FOXA1: variants seen among roughly 807,000 people sequenced by gnomAD.
The protein encoded by FOXA1 is forkhead box A1.
FOXA1 carries 9 observed loss-of-function variants against 29.2 expected under a neutral mutation model. That is an observed-to-expected ratio of 0.31 (90% confidence interval 0.19 to 0.54). FOXA1 has a LOEUF of 0.54. Ranked by LOEUF, FOXA1 falls within the 20% of genes least tolerant of loss-of-function variation. The probability of loss-of-function intolerance (pLI) is 0.95; values close to 1 mark genes in which losing one functional copy is unlikely to be tolerated. For missense variants in FOXA1, 644 were observed against 681.2 expected, an observed-to-expected ratio of 0.95 and a Z score of 0.61; for synonymous variants, 340 against 300.9, an observed-to-expected ratio of 1.13 and a Z score of -1.34.
chr14:37,592,379 G>C lies in FOXA1; in HGVS notation c.405C>G (p.Asn135Lys), dbSNP rs2139183229. The C allele has an allele frequency of 6.2e-7, 1 of 1,603,366 alleles. No individual in the cohort carries two copies. The highest frequency in any genetic ancestry group is 2.2e-5 in the East Asian group (1 of 44,718). The change falls in exon 2 of 2, where the codon AAC (asparagine) becomes AAG (lysine). Residue 135 changes from asparagine (N) to lysine (K), a missense_variant. Physicochemically the swap from Asn to Lys is moderately conservative, Grantham distance 94. Transcript: ENST00000250448. The stretch of plus-strand genomic sequence containing the variant: ...CGTACGCCATGGGGCTCATGCACGG[G>C]TTCATGGCGGCCGCGTAGGGGCCCA... ...NGLGPYAAAMNPCMSPMAYAP... is the reference protein window; with the variant it reads ...NGLGPYAAAMKPCMSPMAYAP...
Position 37,590,871 on chromosome 14 carries a change from G to T in FOXA1, c.*494C>A, listed in dbSNP as rs2139179025. ...TTCAATACTTTTAAGAGCCTCTAGT[G>T]TATACTTGTTTCTTCACCATTTCAA... On this transcript the variant is annotated 3_prime_UTR_variant, in exon 2 of 2. Transcript: ENST00000250448. The T allele has an allele frequency of 6.7e-6, 2 of 297,924 alleles. No homozygotes were observed. The highest frequency in any genetic ancestry group is 1.0e-4 in the East Asian group (2 of 19,450). The allele number at this position is 297,924 out of a possible 1,614,324, so 18.5% of individuals were successfully genotyped here.
chr14:37,594,698 C>T (rs2095600229), intron 1 of FOXA1: 1 of 257,024 alleles, frequency 3.9e-6, no homozygotes, highest in Admixed American at 5.5e-5. Flanking sequence ...CTGCGAGAGT[C>T]GGGACAGAGC....
At position 37,595,023 on chromosome 14, in the gene FOXA1, G is replaced by C. The variant is rs753992062; in HGVS notation, c.-51C>G. On this transcript the variant is annotated 5_prime_UTR_variant, in exon 1 of 2. Coordinates refer to ENST00000250448, the MANE Select transcript of FOXA1 (RefSeq NM_004496.5). ...CCATCCAGCCCTGTGCGAAGCGACG[G>C]GCGGCCGCGCGGCGCGGGGCGGGGG... 31 of 1,520,052 alleles carry C rather than the reference G, an allele frequency of 2.0e-5. No individual in the cohort carries two copies. The highest frequency in any genetic ancestry group is 2.7e-5 in the Non-Finnish European group (30 of 1,120,390). The allele number at this position is 1,520,052 out of a possible 1,614,324, so 94.2% of individuals were successfully genotyped here. A position where few individuals can be genotyped will look rare whatever the true frequency, so the allele number is the denominator to read the frequency against.
intron 1 of FOXA1, among the ~76,000 whole-genome samples, 185 bp from the exon 2 acceptor site, chr14:37,592,896 G>A (rs1030914859): frequency 6.6e-6 from 1 of 152,374 alleles, no homozygotes; most frequent in Admixed American, 6.5e-5. Flanking sequence ...TTGCACGGCA[G>A]GGGGAAAATC....
rs1198728189 is a variant in FOXA1, at chr14:37,591,832, C to T, written c.952G>A (p.Gly318Ser). ...PLHRGVHGKT[G>S]QLEGAPAPGP... Reference sequence around the variant, plus strand: ...GGGGCCGGCGCGCCCTCTAGCTGGCCGGTCTTCCCGTGCACACCCCGATGG... The same window carrying T: ...GGGGCCGGCGCGCCCTCTAGCTGGCTGGTCTTCCCGTGCACACCCCGATGG... The change falls in exon 2 of 2, where the codon GGC becomes AGC. Residue 318 changes from glycine (G) to serine (S), a missense_variant. By Grantham distance (56) the Gly-to-Ser change is moderately conservative. Coordinates refer to ENST00000250448, the MANE Select transcript of FOXA1 (RefSeq NM_004496.5). 3 of 1,454,990 alleles carry T rather than the reference C, an allele frequency of 2.1e-6. No homozygotes were observed. Among genetic ancestry groups the T allele is most frequent in the Admixed American group, 2.8e-5 (1 of 36,304 alleles). The allele number at this position is 1,454,990 out of a possible 1,614,324, so 90.1% of individuals were successfully genotyped here.
Position 37,595,079 on chromosome 14 carries a change from C to T in FOXA1, c.-107G>A, listed in dbSNP as rs1369824331. On this transcript the variant is annotated 5_prime_UTR_variant, in exon 1 of 2. Coordinates refer to ENST00000250448, the MANE Select transcript of FOXA1 (RefSeq NM_004496.5). ...AGCTGAGCAGCTGCAGTCACCCGAG[C>T]GCCCGCGCGGGCCCAACGCCACCCG... is the stretch of plus-strand genomic sequence containing the variant. 2.8e-4 allele frequency: 274 copies of T among 970,146 alleles called. 1 individual carries two copies. Among genetic ancestry groups the T allele is most frequent in the South Asian group, 1.0e-3 (56 of 54,886 alleles). 60.1% of individuals were successfully genotyped at this position (970,146 alleles called of 1,614,324 possible). A position where few individuals can be genotyped will look rare whatever the true frequency, so the allele number is the denominator to read the frequency against.
In FOXA1 at chr14:37,592,184, G is replaced by A. The variant is rs1226356116; in HGVS notation, c.600C>T (p.Ile200=). 12 of 1,613,770 alleles carry A rather than the reference G, an allele frequency of 7.4e-6. No homozygotes were observed. The highest frequency in any genetic ancestry group is 1.0e-5 in the Non-Finnish European group (12 of 1,179,890). The change falls in exon 2 of 2, where the codon ATC becomes ATT. Residue 200 remains isoleucine, a synonymous_variant. Transcript: ENST00000250448. ...GCCGGTAATAGGGGAAGAGGTCCAT[G>A]ATCCACTGGTAGATCTCGCTCAGCG... ...MLTLSEIYQW[I]MDLFPYYRQN... is the part of the protein sequence containing the mutation.
rs34059222 is a variant in FOXA1 at position 37,590,887 on chromosome 14, A to G, written c.*478T>C. On this transcript the variant is annotated 3_prime_UTR_variant, in exon 2 of 2. Coordinates refer to ENST00000250448, the MANE Select transcript of FOXA1 (RefSeq NM_004496.5). Reference sequence around the variant, plus strand: ...GCCTCTAGTGTATACTTGTTTCTTCACCATTTCAATTCTTATGGTTAAGAG... The same window carrying G: ...GCCTCTAGTGTATACTTGTTTCTTCGCCATTTCAATTCTTATGGTTAAGAG... The G allele has an allele frequency of 0.015, 4,616 of 304,054 alleles. 196 individuals are homozygous for G. The highest frequency in any genetic ancestry group is 0.086 in the African/African-American group (4,018 of 46,768). 18.8% of individuals were successfully genotyped at this position (304,054 alleles called of 1,614,324 possible). A position where few individuals can be genotyped will look rare whatever the true frequency, so the allele number is the denominator to read the frequency against.
intron 1 of FOXA1, 33 bp from the exon 2 acceptor site, chr14:37,592,744 G>C (rs756816997): frequency 6.2e-7 from 1 of 1,605,150 alleles, no homozygotes; most frequent in Non-Finnish European, 8.5e-7. Context: ...AGAAGCCCCG[G>C]AGGGCGGGGT....
intron 1 of FOXA1, among the ~76,000 whole-genome samples, chr14:37,593,146 TC>T (rs2095597887): frequency 6.6e-6 from 1 of 152,338 alleles, no homozygotes; most frequent in Admixed American, 6.5e-5. Context: ...ATCATCTGTT[TC>T]CCAACAAGTG....
At position 37,592,615 on chromosome 14, in the gene FOXA1, C is replaced by A. The variant is rs769942089; in HGVS notation, c.169G>T (p.Gly57Cys). 1.2e-6 allele frequency: 2 copies of A among 1,614,216 alleles called. No individual in the cohort carries two copies. The highest frequency in any genetic ancestry group is 2.2e-5 in the South Asian group (2 of 91,090). Residue 57 changes from glycine to cysteine, a missense_variant, in exon 2 of 2, where the codon GGC (glycine) becomes TGC (cysteine). Gly to Cys is a radical substitution (Grantham distance 159, BLOSUM62 -3). Transcript: ENST00000250448. ...TTGAAGGACGCCGGGGTCATGTTGC[C>A]GCTCGTAGTCATGGTGTTCATGGTC... ...YMTMNTMTTSGNMTPASFNMS... is the reference protein window; with the variant it reads ...YMTMNTMTTSCNMTPASFNMS...
chr14:37,589,583 TG>T lies in FOXA1; in HGVS notation c.*1781del, dbSNP rs2095593878. The stretch of plus-strand genomic sequence containing the variant: ...ACAACTTAATTCTATCAGCCACAGC[TG>T]ATATTTTATTTTCATTGGAAGAATT... On this transcript the variant is annotated 3_prime_UTR_variant, in exon 2 of 2. Coordinates refer to ENST00000250448, the MANE Select transcript of FOXA1 (RefSeq NM_004496.5). 6.6e-6 allele frequency among the ~76,000 whole-genome samples: 1 copy of T among 152,166 alleles called. No individual in the cohort carries two copies. Among genetic ancestry groups the T allele is most frequent in the Non-Finnish European group, 1.5e-5 (1 of 68,032 alleles).
In FOXA1 at chr14:37,592,424, C is replaced by G; in HGVS notation, c.360G>C (p.Gln120His). Residue 120 changes from glutamine (Q) to histidine (H), a missense_variant, in exon 2 of 2, where the codon CAG (glutamine) becomes CAC (histidine). Gln to His is a conservative substitution (Grantham distance 24). Transcript: ENST00000250448. ...PSGMGAMGAQQAASMNGLGPY... is the reference protein window; with the variant it reads ...PSGMGAMGAQHAASMNGLGPY... ...GGCCCAGGCCATTCATGGAGGCCGC[C>G]TGCTGCGCACCCATGGCGCCCATGC... is the stretch of plus-strand genomic sequence containing the variant. The G allele has an allele frequency of 6.2e-7, 1 of 1,600,256 alleles. No homozygotes were observed. The highest frequency in any genetic ancestry group is 8.5e-7 in the Non-Finnish European group (1 of 1,176,818).
At chr14:37,594,318 A>T (rs2095599579) in intron 1 of FOXA1, 6 of 1,128,778 alleles carry the variant, frequency 5.3e-6, no homozygotes, top group Middle Eastern at 2.5e-4. Flanking sequence ...TTCTCGGCCC[A>T]GAGTTGTGAA....
intron 1 of FOXA1, chr14:37,594,563 C>A: frequency 4.6e-6 from 1 of 216,266 alleles, no homozygotes; most frequent in Non-Finnish European, 8.2e-6. Flanking sequence ...CCAACTCGCA[C>A]CGGCGCTCGC....
At chr14:37,594,060 T>G in intron 1 of FOXA1, 2 of 1,241,542 alleles carry the variant, frequency 1.6e-6, no homozygotes, top group African/African-American at 1.6e-5. Flanking sequence ...GTCCACGTCT[T>G]AAAAGTATTT....
At position 37,592,282 on chromosome 14, in the gene FOXA1, G is replaced by A. The variant is rs2139182850; in HGVS notation, c.502C>T (p.His168Tyr). The change falls in exon 2 of 2, where the codon CAC becomes TAC. Residue 168 changes from histidine to tyrosine, a missense_variant. By Grantham distance (83) the His-to-Tyr change is moderately conservative. Coordinates refer to ENST00000250448, the MANE Select transcript of FOXA1 (RefSeq NM_004496.5). ...ATGTACGAGTAGGGCGGCTTGGCGT[G>A]CGGGTAGCTGCGCTTGAACGTCTTG... is the stretch of plus-strand genomic sequence containing the variant. ...DAKTFKRSYP[H>Y]AKPPYSYISL... 6.2e-7 allele frequency: 1 copy of A among 1,612,648 alleles called. No homozygotes were observed. The highest frequency in any genetic ancestry group is 8.5e-7 in the Non-Finnish European group (1 of 1,179,212).
intron 1 of FOXA1, 57 bp from the exon 2 acceptor site, chr14:37,592,768 TGGAGGGCGGCCGTCCG>T (rs1430468523): frequency 5.0e-6 from 8 of 1,599,258 alleles, no homozygotes; most frequent in East Asian, 2.2e-5. Flanking sequence ...TGGTGGGCAC[TGGAGGGCGGCCGTCCG>T]GGACCTAACC....
At position 37,591,609 on chromosome 14, in the gene FOXA1, G is replaced by C. The variant is rs768062390; in HGVS notation, c.1175C>G (p.Pro392Arg). The change falls in exon 2 of 2, where the codon CCC becomes CGC. Residue 392 changes from proline to arginine, a missense_variant. Coordinates refer to ENST00000250448, the MANE Select transcript of FOXA1 (RefSeq NM_004496.5). ...GAACGGGTGGTTGAAGGAGTAGTGG[G>C]GGTCCCCTTTCAGGTGCAGCTGGGA... ...HESQLHLKGD[P>R]HYSFNHPFSI... 6.8e-5 allele frequency: 109 copies of C among 1,611,300 alleles called. No individual in the cohort carries two copies. Among genetic ancestry groups the C allele is most frequent in the Non-Finnish European group, 8.7e-5 (102 of 1,178,602 alleles).
Sources: allele counts gnomAD v4.1 joint callset (sites outside exome capture counted in the v4.1 genomes callset), GRCh38; gene constraint gnomAD v4.1.1; transcripts MANE v1.5; gene names NCBI Gene and HGNC (gene_info 2026-07-23, HGNC 2026-07-21).